The following RNF13 variants were observed in gnomAD, a reference collection of about 807,000 sequenced individuals.
RNF13 encodes ring finger protein 13.
Under a neutral mutation model 37.7 loss-of-function variants are expected in RNF13, and 19 were observed. The ratio of observed to expected loss-of-function variants is 0.50; its 90% CI spans 0.35 to 0.74. The LOEUF (loss-of-function observed/expected upper bound fraction) is 0.74. Ranked by LOEUF, RNF13 falls within the 30% of genes least tolerant of loss-of-function variation. RNF13 has a pLI of 0.01. For missense variants in RNF13, 375 were observed against 453.0 expected (o/e 0.83, Z 1.56); for synonymous variants, 144 against 157.8 (o/e 0.91, Z 0.65).
intron 8 of RNF13, among the ~76,000 whole-genome samples, chr3:149,951,139 C>A (rs1401258742): frequency 6.6e-6 from 1 of 152,134 alleles, no homozygotes; most frequent in East Asian, 1.9e-4. Flanking sequence ...AACTCTCAGA[C>A]TTGTCCACAC....
In RNF13 at chr3:149,833,104, T is replaced by TTC. The variant is rs746296698; in HGVS notation, c.-16-12893_-16-12892dup. On this transcript the variant is annotated intron_variant, in intron 1 of 9. Transcript: ENST00000392894. ...GAAAAGAAAACTACATAACTTATCG[T>TTC]TCTCTCTCTCTCTCTTTTTTTTTTT... is the stretch of plus-strand genomic sequence containing the variant. Among the ~76,000 whole-genome samples, 104 of 142,266 alleles carry TTC rather than the reference T, an allele frequency of 7.3e-4. 1 individual carries two copies. Among genetic ancestry groups the TTC allele is most frequent in the South Asian group, 1.1e-3 (5 of 4,500 alleles). 93.3% of individuals were successfully genotyped at this position (142,266 alleles called of 152,430 possible).
intron 8 of RNF13, among the ~76,000 whole-genome samples, chr3:149,946,829 T>C (rs1279591655): frequency 2.0e-5 from 3 of 152,228 alleles, no homozygotes; most frequent in Non-Finnish European, 4.4e-5. Flanking sequence ...AAGCTAGTTG[T>C]GGATTTAGCT....
intron 8 of RNF13, among the ~76,000 whole-genome samples, chr3:149,955,996 T>C (rs1721826380): frequency 3.3e-5 from 5 of 152,098 alleles, no homozygotes; most frequent in Admixed American, 3.3e-4. Flanking sequence ...CCATCTAACT[T>C]ACTATCATAT....
chr3:149,959,212 T>G (rs1460152192), intron 8 of RNF13, among the ~76,000 whole-genome samples: 2 of 152,152 alleles, frequency 1.3e-5, no homozygotes, highest in African/African-American at 2.4e-5. Flanking sequence ...CACTATTAAT[T>G]GAAAAAGCTG....
intron 3 of RNF13, among the ~76,000 whole-genome samples, chr3:149,867,928 A>G (rs1490071353): frequency 6.6e-6 from 1 of 151,556 alleles, no homozygotes; most frequent in East Asian, 1.9e-4. Context: ...ATTTTTAGTG[A>G]ATCTGTTACA....
At position 149,961,033 on chromosome 3, in the gene RNF13, A is replaced by G. The variant is rs1462355651; in HGVS notation, c.1075A>G (p.Asn359Asp). 6.2e-7 allele frequency: 1 copy of G among 1,614,170 alleles called. No homozygotes were observed. The highest frequency in any genetic ancestry group is 1.7e-5 in the Admixed American group (1 of 60,026). ...CAGTAGTGATGCAGAAAATGAAATT[A>G]ATGAACATGATGTCGTGGTCCAGTT... ...TDSSDAENEINEHDVVVQLQP... is the reference protein window; with the variant it reads ...TDSSDAENEIDEHDVVVQLQP... The change falls in exon 10 of 10, where the codon AAT becomes GAT. Residue 359 changes from asparagine to aspartate, a missense_variant. Asn to Asp is a conservative substitution (Grantham distance 23). Coordinates refer to ENST00000392894, the MANE Select transcript of RNF13 (RefSeq NM_183381.3).
At chr3:149,904,041 A>G (rs1160365999) in intron 6 of RNF13, among the ~76,000 whole-genome samples, 2 of 152,034 alleles carry the variant, frequency 1.3e-5, no homozygotes, top group African/African-American at 2.4e-5. Flanking sequence ...TTTAGTATCT[A>G]TCTACCACCT....
At chr3:149,858,596 A>G (rs908635078) in intron 3 of RNF13, among the ~76,000 whole-genome samples, 1 of 152,254 alleles carries the variant, frequency 6.6e-6, no homozygotes. Flanking sequence ...TAGATTTGCC[A>G]TGATCCATAT....
intron 3 of RNF13, among the ~76,000 whole-genome samples, chr3:149,864,008 ATTTTTTTTTTTTTTTTTT>A (rs535062004): frequency 6.7e-5 from 2 of 29,654 alleles, no homozygotes; most frequent in African/African-American, 1.6e-4. Flanking sequence ...TTTGATTGGA[ATTTTTTTTTTTTTTTTTT>A]TTTTTTTTTT....
At chr3:149,863,594 G>C (rs1182865161) in intron 3 of RNF13, among the ~76,000 whole-genome samples, 2 of 152,072 alleles carry the variant, frequency 1.3e-5, no homozygotes, top group Non-Finnish European at 2.9e-5. Context: ...TGGCTAGGCT[G>C]GTCTTGAACT....
chr3:149,920,357 G>A (rs1025295897), intron 7 of RNF13, among the ~76,000 whole-genome samples: 4 of 152,000 alleles, frequency 2.6e-5, no homozygotes, highest in African/African-American at 4.8e-5. Context: ...CACTTCAGCC[G>A]CCCAAGTAGC....
intron 1 of RNF13, chr3:149,817,170 A>G (rs767524008): frequency 5.3e-5 from 8 of 152,204 alleles, no homozygotes; most frequent in Admixed American, 1.3e-4. Context: ...TTGTAAGGAA[A>G]TGACCTAAAA....
intron 4 of RNF13, among the ~76,000 whole-genome samples, chr3:149,889,388 T>C (rs1714436308): frequency 6.8e-6 from 1 of 147,488 alleles, no homozygotes; most frequent in Non-Finnish European, 1.5e-5. Context: ...CACTGCAACC[T>C]CCACCTCCTG....
rs956568489 is a variant in RNF13, at chr3:149,836,283, C to T, written c.-16-9728C>T. ...CCAAGCAACCCAATTAAAAAATGAA[C>T]ATAGGAGCTGAATAGACATTTTTCC... On this transcript the variant is annotated intron_variant, in intron 1 of 9. Coordinates refer to ENST00000392894, the MANE Select transcript of RNF13 (RefSeq NM_183381.3). Among the ~76,000 whole-genome samples, 5 of 152,040 alleles carry T rather than the reference C, an allele frequency of 3.3e-5. No individual in the cohort carries two copies. The East Asian group carries it at 9.7e-4, about 29-fold the overall frequency.
chr3:149,815,090 TC>T lies in RNF13; in HGVS notation c.-17+1738del, dbSNP rs758533007. On this transcript the variant is annotated intron_variant, in intron 1 of 9. Coordinates refer to ENST00000392894, the MANE Select transcript of RNF13 (RefSeq NM_183381.3). ...ATCTATGCTTGTATAAAGCTAATTTTCTCAATAATTTTGGAGGGGCATAAAT... is the reference window on the plus strand; with the variant it reads ...ATCTATGCTTGTATAAAGCTAATTTTTCAATAATTTTGGAGGGGCATAAAT... Among the ~76,000 whole-genome samples, 11 of 152,300 alleles carry T rather than the reference TC, an allele frequency of 7.2e-5. No individual in the cohort carries two copies. In the East Asian group the frequency reaches 1.2e-3, roughly 16 times the overall value.
chr3:149,926,539 T>C (rs1718675825), intron 8 of RNF13, among the ~76,000 whole-genome samples: 1 of 152,164 alleles, frequency 6.6e-6, no homozygotes, highest in African/African-American at 2.4e-5. Flanking sequence ...ACGTTTTCTA[T>C]CCCAAGATCA....
At chr3:149,844,217 T>G (rs567761478) in intron 1 of RNF13, among the ~76,000 whole-genome samples, 9 of 152,334 alleles carry the variant, frequency 5.9e-5, no homozygotes, top group Non-Finnish European at 1.3e-4. Context: ...TTTACAAGAC[T>G]CAGCACATGG....
intron 4 of RNF13, among the ~76,000 whole-genome samples, chr3:149,890,783 G>GA (rs1196284088): frequency 6.6e-6 from 1 of 152,014 alleles, no homozygotes; most frequent in East Asian, 1.9e-4. Context: ...CTTCCCATAT[G>GA]AAAAAATATC....
At chr3:149,952,529 C>G (rs1354794953) in intron 8 of RNF13, among the ~76,000 whole-genome samples, 1 of 152,040 alleles carries the variant, frequency 6.6e-6, no homozygotes, top group Non-Finnish European at 1.5e-5. Context: ...GTGTTGTACA[C>G]CCTCATTTCC....
Sources: gnomAD v4.1 joint callset for allele counts (sites outside exome capture counted in the v4.1 genomes callset) on GRCh38, gnomAD v4.1.1 for gene constraint, MANE v1.5 for transcripts, NCBI Gene and HGNC (gene_info 2026-07-23, HGNC 2026-07-21) for gene names.